Variants in SPATS2L observed in about 807,000 individuals in gnomAD.
The protein encoded by SPATS2L is spermatogenesis associated serine rich 2 like, also known as SPATS2-like protein.
In SPATS2L, 30 loss-of-function variants were observed where a neutral mutation model predicts 59.6. The observed-to-expected ratio is 0.50, with a 90% CI of 0.38 to 0.68. The LOEUF (loss-of-function observed/expected upper bound fraction) is 0.68. Among genes scored for constraint, SPATS2L ranks in the 30% least tolerant of loss-of-function variants. The pLI is 0.00. For synonymous variants in SPATS2L, 252 were observed against 263.5 expected (o/e 0.96, Z 0.42); for missense variants, 615 against 700.0 (o/e 0.88, Z 1.37).
At chr2:200,334,067 G>A (rs1424575118) in intron 2 of SPATS2L, among the ~76,000 whole-genome samples, 1 of 152,188 alleles carries the variant, frequency 6.6e-6, no homozygotes, top group Non-Finnish European at 1.5e-5. Flanking sequence ...AGATCCCTGA[G>A]GAATCGCCAC....
At chr2:200,306,182 T>C (rs1183691489), upstream of SPATS2L, 46 of 1,000,860 alleles carry the variant, frequency 4.6e-5, no homozygotes, top group Non-Finnish European at 5.5e-5. Flanking sequence ...ATGGGCTATC[T>C]TTGCTTACAT....
At chr2:200,421,879 G>A (rs765879996) in intron 6 of SPATS2L, among the ~76,000 whole-genome samples, 14 of 152,142 alleles carry the variant, frequency 9.2e-5, no homozygotes, top group Non-Finnish European at 1.8e-4. Flanking sequence ...TTGCCATTTT[G>A]ATATCAATCA....
At chr2:200,426,218 G>A (rs2083572133) in intron 6 of SPATS2L, among the ~76,000 whole-genome samples, 1 of 148,164 alleles carries the variant, frequency 6.7e-6, no homozygotes, top group African/African-American at 2.5e-5. Context: ...AGCCTCCCAA[G>A]TAGCTGGGAC....
chr2:200,343,934 A>T (rs976981243), intron 2 of SPATS2L, among the ~76,000 whole-genome samples: 1 of 152,022 alleles, frequency 6.6e-6, no homozygotes, highest in South Asian at 2.1e-4. Context: ...TTGTTCTCTG[A>T]GTGGTAAGGT....
At chr2:200,318,453 A>G (rs2079451819) in intron 1 of SPATS2L, among the ~76,000 whole-genome samples, 1 of 152,214 alleles carries the variant, frequency 6.6e-6, no homozygotes, top group South Asian at 2.1e-4. Flanking sequence ...ATTAGAAATA[A>G]TGGCATTAAA....
At chr2:200,414,120 G>C (rs1402472511) in intron 4 of SPATS2L, among the ~76,000 whole-genome samples, 1 of 151,556 alleles carries the variant, frequency 6.6e-6, no homozygotes, top group East Asian at 1.9e-4. Flanking sequence ...GGCCCCCCAC[G>C]TTCCTCATCA....
At chr2:200,444,427 T>G (rs891837871) in intron 8 of SPATS2L, among the ~76,000 whole-genome samples, 5 of 152,072 alleles carry the variant, frequency 3.3e-5, no homozygotes, top group African/African-American at 9.7e-5. Flanking sequence ...TATTGTCAAT[T>G]TAACATCTAA....
chr2:200,307,655 C>T (rs902778069), intron 1 of SPATS2L, among the ~76,000 whole-genome samples: 3 of 152,230 alleles, frequency 2.0e-5, no homozygotes, highest in Non-Finnish European at 2.9e-5. Context: ...TGGACGCCGG[C>T]GCACTCTGAA....
chr2:200,384,253 C>T (rs1343786944), intron 2 of SPATS2L, among the ~76,000 whole-genome samples: 3 of 152,122 alleles, frequency 2.0e-5, no homozygotes, highest in Non-Finnish European at 2.9e-5. Context: ...AATGCATATT[C>T]TGTAAGATTT....
intron 2 of SPATS2L, among the ~76,000 whole-genome samples, chr2:200,369,717 T>G (rs1262060688): frequency 6.6e-6 from 1 of 152,158 alleles, no homozygotes; most frequent in Non-Finnish European, 1.5e-5. Context: ...AAAATAATGG[T>G]GACAGAATAA....
intron 1 of SPATS2L, among the ~76,000 whole-genome samples, chr2:200,314,215 T>G (rs967208103): frequency 1.4e-4 from 22 of 152,220 alleles, no homozygotes; most frequent in African/African-American, 5.3e-4. Context: ...TTCTGTGTTT[T>G]CTATCTCAAT....
intron 2 of SPATS2L, among the ~76,000 whole-genome samples, chr2:200,376,070 G>A (rs2081589306): frequency 6.6e-6 from 1 of 152,190 alleles, no homozygotes; most frequent in African/African-American, 2.4e-5. Context: ...TTCTTTCCAT[G>A]TGTCTTCATT....
chr2:200,404,859 C>T (rs1056114569), intron 3 of SPATS2L, among the ~76,000 whole-genome samples: 8 of 152,114 alleles, frequency 5.3e-5, no homozygotes, highest in Admixed American at 3.9e-4. Context: ...CCCCTTTCAT[C>T]TTCAAACCCG....
chr2:200,331,635 G>A (rs775635033), intron 2 of SPATS2L, among the ~76,000 whole-genome samples: 1 of 152,208 alleles, frequency 6.6e-6, no homozygotes, highest in Non-Finnish European at 1.5e-5. Flanking sequence ...CCTTGGTCAA[G>A]TTAGTCCCCC....
At chr2:200,337,242 A>G (rs2105810722) in intron 2 of SPATS2L, among the ~76,000 whole-genome samples, 1 of 152,360 alleles carries the variant, frequency 6.6e-6, no homozygotes, top group Middle Eastern at 3.4e-3. Flanking sequence ...CAGCATTAGC[A>G]GTAAATCACA....
At chr2:200,410,404 CAAAACAACA>C (rs2082836747) in intron 3 of SPATS2L, among the ~76,000 whole-genome samples, 1 of 36,046 alleles carries the variant, frequency 2.8e-5, no homozygotes, top group Non-Finnish European at 1.3e-4. Flanking sequence ...CAAAACAAAA[CAAAACAACA>C]AAAAAAAACC....
At chr2:200,370,758 A>G (rs976041500) in intron 2 of SPATS2L, among the ~76,000 whole-genome samples, 3 of 152,224 alleles carry the variant, frequency 2.0e-5, no homozygotes, top group Non-Finnish European at 4.4e-5. Flanking sequence ...AAGGTCACAC[A>G]GTTCCTAAGT....
intron 1 of SPATS2L, among the ~76,000 whole-genome samples, chr2:200,322,153 C>T (rs567476712): frequency 6.6e-6 from 1 of 152,114 alleles, no homozygotes; most frequent in East Asian, 1.9e-4. Context: ...TGGAATCAAG[C>T]CTCATTAAAA....
intron 3 of SPATS2L, among the ~76,000 whole-genome samples, chr2:200,403,138 A>G (rs1057377175): frequency 1.3e-5 from 2 of 152,222 alleles, no homozygotes; most frequent in African/African-American, 4.8e-5. Context: ...TGTGGCTCCT[A>G]AAATTGCTGA....
Sources: allele counts gnomAD v4.1 joint callset (sites outside exome capture counted in the v4.1 genomes callset), GRCh38; gene constraint gnomAD v4.1.1; transcripts MANE v1.5; gene names NCBI Gene and HGNC (gene_info 2026-07-23, HGNC 2026-07-21).